Variants in CNTNAP2 observed in about 807,000 individuals in gnomAD.
The protein encoded by CNTNAP2 is contactin associated protein 2, also known as contactin-associated protein-like 2.
In CNTNAP2, 98 loss-of-function variants were observed where a neutral mutation model predicts 155.2. The observed-to-expected ratio is 0.63, with a 90% CI of 0.54 to 0.75. The LOEUF (loss-of-function observed/expected upper bound fraction) is 0.75. Among genes scored for constraint, CNTNAP2 ranks in the 30% least tolerant of loss-of-function variants. The pLI, the probability that CNTNAP2 is intolerant of heterozygous loss-of-function variation, is 0.00. For synonymous variants in CNTNAP2, 651 were observed against 631.2 expected (o/e 1.03, Z -0.47); for missense variants, 1,727 against 1,688.1 (o/e 1.02, Z -0.40).
intron 8 of CNTNAP2, among the ~76,000 whole-genome samples, chr7:147,190,925 CT>C (rs569776202): frequency 8.5e-4 from 129 of 152,254 alleles, no homozygotes; most frequent in Non-Finnish European, 1.5e-3. Context: ...AATATTGTCA[CT>C]TTCCTGGTGT....
chr7:147,926,760 A>G (rs1228920858), intron 14 of CNTNAP2, among the ~76,000 whole-genome samples: 2 of 152,204 alleles, frequency 1.3e-5, no homozygotes, highest in East Asian at 3.8e-4. Flanking sequence ...AAGGCACAGG[A>G]TAAATCTACA....
chr7:147,562,936 T>G (rs534287642), intron 12 of CNTNAP2, among the ~76,000 whole-genome samples: 1 of 152,292 alleles, frequency 6.6e-6, no homozygotes, highest in Non-Finnish European at 1.5e-5. Flanking sequence ...TATGCATTAT[T>G]TACTGGCTCC....
chr7:146,587,898 TC>T (rs534068131), intron 1 of CNTNAP2, among the ~76,000 whole-genome samples: 74 of 152,184 alleles, frequency 4.9e-4, no homozygotes, highest in Non-Finnish European at 8.7e-4. Flanking sequence ...AGTCTTGAAC[TC>T]CTGACCTCAG....
intron 1 of CNTNAP2, among the ~76,000 whole-genome samples, chr7:146,277,184 A>G (rs1349538219): frequency 6.6e-6 from 1 of 152,170 alleles, no homozygotes; most frequent in Non-Finnish European, 1.5e-5. Context: ...GAAGGAAGGA[A>G]GGATCCTCCC....
intron 8 of CNTNAP2, among the ~76,000 whole-genome samples, chr7:147,190,609 AG>A (rs142708716): frequency 1.8e-4 from 27 of 152,284 alleles, no homozygotes; most frequent in African/African-American, 6.5e-4. Context: ...TGTTGGCTTG[AG>A]GGCTGGATAT....
intron 9 of CNTNAP2, among the ~76,000 whole-genome samples, chr7:147,318,646 A>G (rs1010559477): frequency 6.6e-6 from 1 of 151,840 alleles, no homozygotes; most frequent in African/African-American, 2.4e-5. Context: ...GGGGAACATC[A>G]CACACTGGGG....
intron 1 of CNTNAP2, among the ~76,000 whole-genome samples, chr7:146,455,930 A>G (rs988168351): frequency 6.6e-6 from 1 of 152,200 alleles, no homozygotes; most frequent in Non-Finnish European, 1.5e-5. Context: ...TATAAAACAC[A>G]TGAGCCACTT....
At chr7:147,464,928 T>G (rs184750158) in intron 10 of CNTNAP2, among the ~76,000 whole-genome samples, 1 of 152,234 alleles carries the variant, frequency 6.6e-6, no homozygotes, top group Non-Finnish European at 1.5e-5. Flanking sequence ...TCTCCTGATA[T>G]GTATTTCATT....
intron 3 of CNTNAP2, among the ~76,000 whole-genome samples, chr7:146,942,548 CA>C (rs895300811): frequency 2.6e-5 from 4 of 151,914 alleles, no homozygotes; most frequent in Non-Finnish European, 5.9e-5. Context: ...TTATTAAAAA[CA>C]AAAAACTTGC....
At chr7:146,365,535 TCTTAC>T (rs1795142810) in intron 1 of CNTNAP2, among the ~76,000 whole-genome samples, 1 of 152,208 alleles carries the variant, frequency 6.6e-6, no homozygotes, top group Non-Finnish European at 1.5e-5. Flanking sequence ...ACAAAATGAA[TCTTAC>T]CTTATCAAAA....
intron 14 of CNTNAP2, among the ~76,000 whole-genome samples, chr7:147,920,559 A>T (rs1800256966): frequency 2.0e-5 from 3 of 152,036 alleles, no homozygotes; most frequent in African/African-American, 7.2e-5. Flanking sequence ...CTTCAAGTAG[A>T]TGATTATATA....
At chr7:147,788,978 C>T (rs1322599543) in intron 13 of CNTNAP2, among the ~76,000 whole-genome samples, 6 of 138,664 alleles carry the variant, frequency 4.3e-5, no homozygotes, top group Non-Finnish European at 6.0e-5. Context: ...GATCTTGGCT[C>T]ACTGCAACCT....
chr7:146,995,893 T>A (rs992693447), intron 3 of CNTNAP2, among the ~76,000 whole-genome samples: 1 of 152,102 alleles, frequency 6.6e-6, no homozygotes, highest in Non-Finnish European at 1.5e-5. Flanking sequence ...CACTTGTCTA[T>A]TTTTTTGCAT....
At position 148,328,718 on chromosome 7, in the gene CNTNAP2, C is replaced by T. The variant is rs185105880; in HGVS notation, c.3476-54931C>T. ...GGCGCGGTGGCTCACACCTGTAATC[C>T]CAGCACTGTGGGAGGCCGAGGCGGG... is the stretch of plus-strand genomic sequence containing the variant. On this transcript the variant is annotated intron_variant, in intron 21 of 23. Coordinates refer to ENST00000361727, the MANE Select transcript of CNTNAP2 (RefSeq NM_014141.6). 5.3e-4 allele frequency among the ~76,000 whole-genome samples: 81 copies of T among 152,040 alleles called. 1 individual carries two copies. In the East Asian group the frequency reaches 0.014, roughly 26 times the overall value.
intron 13 of CNTNAP2, among the ~76,000 whole-genome samples, chr7:147,719,953 T>C (rs73741885): frequency 0.037 from 5,560 of 152,174 alleles, 337 homozygotes; most frequent in African/African-American, 0.13. Context: ...GTTAATATGT[T>C]CCCGCCTTGT....
At chr7:147,236,908 T>C (rs1309662981) in intron 8 of CNTNAP2, among the ~76,000 whole-genome samples, 2 of 152,122 alleles carry the variant, frequency 1.3e-5, no homozygotes, top group Admixed American at 6.5e-5. Flanking sequence ...AACCTTACCC[T>C]GTGATTGCCA....
At chr7:146,994,833 A>C (rs918753664) in intron 3 of CNTNAP2, among the ~76,000 whole-genome samples, 24 of 152,004 alleles carry the variant, frequency 1.6e-4, no homozygotes, top group Non-Finnish European at 3.1e-4. Context: ...ACATTACTTC[A>C]CAGTTATTTT....
intron 1 of CNTNAP2, among the ~76,000 whole-genome samples, chr7:146,595,162 G>T (rs938276599): frequency 1.3e-5 from 2 of 152,008 alleles, no homozygotes; most frequent in Non-Finnish European, 2.9e-5. Flanking sequence ...ATCACTCTCA[G>T]TAGCATAACA....
intron 12 of CNTNAP2, among the ~76,000 whole-genome samples, chr7:147,595,676 A>G (rs1215166399): frequency 6.6e-6 from 1 of 152,168 alleles, no homozygotes; most frequent in Non-Finnish European, 1.5e-5. Flanking sequence ...CTAGCACTTG[A>G]TCATTTGCGT....
Sources: gnomAD v4.1 joint callset for allele counts (sites outside exome capture counted in the v4.1 genomes callset) on GRCh38, gnomAD v4.1.1 for gene constraint, MANE v1.5 for transcripts, NCBI Gene and HGNC (gene_info 2026-07-23, HGNC 2026-07-21) for gene names.